KIAA1217: variants seen among roughly 807,000 people sequenced by gnomAD.
The protein encoded by KIAA1217 is KIAA1217.
In KIAA1217, 88 loss-of-function variants were observed where a neutral mutation model predicts 163.9. The observed-to-expected ratio is 0.54, with a 90% CI of 0.45 to 0.64. The LOEUF (loss-of-function observed/expected upper bound fraction) is 0.64, where lower values mean the gene tolerates loss of function less well. Ranked by LOEUF, KIAA1217 falls within the 30% of genes least tolerant of loss-of-function variation. KIAA1217 has a pLI of 0.00. For synonymous variants in KIAA1217, 903 were observed against 923.1 expected (o/e 0.98, Z 0.39); for missense variants, 2,372 against 2,475.0 (o/e 0.96, Z 0.88).
At chr10:24,527,854 C>T (rs1564867711) in intron 13 of KIAA1217, 82 bp from the exon 14 acceptor site, 1 of 1,077,282 alleles carries the variant, frequency 9.3e-7, no homozygotes, top group Non-Finnish European at 1.4e-6. Flanking sequence ...TCCTCCCACC[C>T]TCCACCCTCT....
At chr10:23,828,033 G>C (rs926947437) in intron 1 of KIAA1217, among the ~76,000 whole-genome samples, 1 of 152,190 alleles carries the variant, frequency 6.6e-6, no homozygotes, top group Non-Finnish European at 1.5e-5. Context: ...AGATTGTGAA[G>C]AGCCTTTTGT....
At chr10:24,491,613 C>T (rs1259731158) in intron 6 of KIAA1217, among the ~76,000 whole-genome samples, 1 of 152,056 alleles carries the variant, frequency 6.6e-6, no homozygotes, top group Non-Finnish European at 1.5e-5. Context: ...AATGCTGATG[C>T]TCTCCTTTGT....
intron 1 of KIAA1217, among the ~76,000 whole-genome samples, chr10:23,796,579 T>A (rs1485382809): frequency 6.6e-6 from 1 of 152,038 alleles, no homozygotes; most frequent in African/African-American, 2.4e-5. Context: ...GCCAGGATGG[T>A]CTTAAACTCC....
At chr10:23,968,318 G>A (rs1845159259) in intron 1 of KIAA1217, among the ~76,000 whole-genome samples, 2 of 152,224 alleles carry the variant, frequency 1.3e-5, no homozygotes, top group Admixed American at 1.3e-4. Flanking sequence ...GTTTAACAAT[G>A]AATGAAGTTG....
chr10:24,282,572 C>G (rs1223775696), intron 2 of KIAA1217, among the ~76,000 whole-genome samples: 4 of 152,174 alleles, frequency 2.6e-5, no homozygotes, highest in African/African-American at 9.7e-5. Context: ...TTGATTGTTG[C>G]TGACATTCAT....
intron 1 of KIAA1217, among the ~76,000 whole-genome samples, chr10:23,709,372 T>C (rs769336478): frequency 2.6e-5 from 4 of 151,730 alleles, no homozygotes; most frequent in East Asian, 1.9e-4. Flanking sequence ...AAATAGTTTT[T>C]TAAAAATTAG....
chr10:23,729,035 T>C (rs976417003), intron 1 of KIAA1217, among the ~76,000 whole-genome samples: 6 of 152,344 alleles, frequency 3.9e-5, no homozygotes, highest in Middle Eastern at 3.4e-3. Context: ...GTCATACAGT[T>C]TGAATCCAAC....
intron 2 of KIAA1217, chr10:24,239,051 G>A: frequency 1.8e-6 from 1 of 551,914 alleles, no homozygotes; most frequent in Middle Eastern, 9.1e-4. Context: ...CGGCAGGTGG[G>A]GTTAGGGTTT....
chr10:23,812,822 T>G (rs1242425256), intron 1 of KIAA1217, among the ~76,000 whole-genome samples: 2 of 152,224 alleles, frequency 1.3e-5, no homozygotes, highest in Non-Finnish European at 2.9e-5. Flanking sequence ...GTGATTGGCT[T>G]ATTTTACTTA....
intron 2 of KIAA1217, among the ~76,000 whole-genome samples, chr10:24,191,214 AC>A (rs1452780223): frequency 6.6e-6 from 1 of 152,162 alleles, no homozygotes; most frequent in Non-Finnish European, 1.5e-5. Flanking sequence ...GTCACCTTGT[AC>A]CACATTGTCT....
intron 5 of KIAA1217, among the ~76,000 whole-genome samples, chr10:24,463,953 T>C (rs1280126551): frequency 2.6e-5 from 4 of 152,204 alleles, no homozygotes; most frequent in Admixed American, 6.5e-5. Context: ...GATCTGGTGA[T>C]GTAATCAAAC....
intron 2 of KIAA1217, among the ~76,000 whole-genome samples, chr10:24,315,596 C>T (rs1428626429): frequency 2.6e-5 from 4 of 151,972 alleles, no homozygotes; most frequent in Non-Finnish European, 5.9e-5. Context: ...AATGCAATAT[C>T]TAGGCCAGGA....
At chr10:24,286,455 T>TATACAC (rs1554794968) in intron 2 of KIAA1217, among the ~76,000 whole-genome samples, 1 of 150,152 alleles carries the variant, frequency 6.7e-6, no homozygotes, top group East Asian at 1.9e-4. Context: ...TATATATATA[T>TATACAC]ACACACACAC....
chr10:23,885,815 A>G (rs532557976), intron 1 of KIAA1217, among the ~76,000 whole-genome samples: 1 of 151,962 alleles, frequency 6.6e-6, no homozygotes, highest in Non-Finnish European at 1.5e-5. Context: ...TTATATTCAC[A>G]AAGATCTTTG....
At chr10:23,707,223 A>T (rs567644494) in intron 1 of KIAA1217, among the ~76,000 whole-genome samples, 175 of 152,266 alleles carry the variant, frequency 1.1e-3, no homozygotes, top group African/African-American at 4.0e-3. Context: ...AGCATATAAT[A>T]TAGGGGTTTG....
intron 1 of KIAA1217, among the ~76,000 whole-genome samples, chr10:23,792,163 A>C (rs1226100794): frequency 6.6e-6 from 1 of 152,238 alleles, no homozygotes; most frequent in Non-Finnish European, 1.5e-5. Flanking sequence ...GGAGGACAAA[A>C]CAAACATTTA....
intron 6 of KIAA1217, 112 bp from the exon 7 acceptor site, chr10:24,494,388 C>T: frequency 3.7e-6 from 3 of 819,452 alleles, no homozygotes; most frequent in Admixed American, 5.1e-5. Flanking sequence ...GTTGGGTGAA[C>T]TTCCACGGCC....
At chr10:24,341,556 G>T (rs2047102289) in intron 2 of KIAA1217, among the ~76,000 whole-genome samples, 2 of 152,066 alleles carry the variant, frequency 1.3e-5, no homozygotes, top group Non-Finnish European at 2.9e-5. Context: ...AACATTCCTT[G>T]GAAAATTTTA....
chr10:24,384,312 C>G (rs868706606), intron 3 of KIAA1217, among the ~76,000 whole-genome samples: 1 of 152,052 alleles, frequency 6.6e-6, no homozygotes, highest in African/African-American at 2.4e-5. Flanking sequence ...TTTTTAGGAG[C>G]AATTTTTTAG....
Sources: allele counts gnomAD v4.1 joint callset (sites outside exome capture counted in the v4.1 genomes callset), GRCh38; gene constraint gnomAD v4.1.1; transcripts MANE v1.5; gene names NCBI Gene and HGNC (gene_info 2026-07-23, HGNC 2026-07-21).